The following MRS2 variants were observed in gnomAD, a reference collection of about 807,000 sequenced individuals.
The protein encoded by MRS2 is magnesium transporter MRS2.
In MRS2, 40 loss-of-function variants were observed where a neutral mutation model predicts 52.6. That is an observed-to-expected ratio of 0.76 (90% CI 0.59 to 0.99). The LOEUF (loss-of-function observed/expected upper bound fraction) is 0.99, where lower values mean the gene tolerates loss of function less well. Among genes scored for constraint, MRS2 ranks in the 50% least tolerant of loss-of-function variants. The pLI is 0.00. For missense variants in MRS2, 472 were observed against 532.7 expected (o/e 0.89, Z 1.12); for synonymous variants, 193 against 195.9 (o/e 0.98, Z 0.13).
chr6:24,423,014 C>G lies in MRS2; in HGVS notation c.1185C>G (p.Phe395Leu). 3 of 1,614,008 alleles carry G rather than the reference C, an allele frequency of 1.9e-6. No homozygotes were observed. Among genetic ancestry groups the G allele is most frequent in the South Asian group, 1.1e-5 (1 of 91,070 alleles). Reference sequence around the variant, plus strand: ...TCATCTGGAGGCGCCTGCTTTCATTCCTTGGACGACAGCTAGAAGCTCCAT... The same window carrying G: ...TCATCTGGAGGCGCCTGCTTTCATTGCTTGGACGACAGCTAGAAGCTCCAT... ...SGLIWRRLLS[F>L]LGRQLEAPLP... The change falls in exon 10 of 11, where the codon TTC becomes TTG. Residue 395 changes from phenylalanine to leucine, a missense_variant. Physicochemically the swap from Phe to Leu is conservative, Grantham distance 22. Coordinates refer to ENST00000378386, the MANE Select transcript of MRS2 (RefSeq NM_020662.4).
chr6:24,419,758 T>C (rs1442999598), intron 9 of MRS2, among the ~76,000 whole-genome samples: 1 of 152,210 alleles, frequency 6.6e-6, no homozygotes. Context: ...GAAGAATTGG[T>C]TACAGGATCC....
At chr6:24,417,939 T>TG (rs1761905209) in intron 7 of MRS2, 145 bp from the exon 8 acceptor site, 1 of 567,428 alleles carries the variant, frequency 1.8e-6, no homozygotes, top group Non-Finnish European at 2.8e-6. Context: ...AAACTCCATC[T>TG]CAAAAAAAAA....
chr6:24,407,515 T>C (rs911867605), intron 2 of MRS2, among the ~76,000 whole-genome samples: 1 of 152,328 alleles, frequency 6.6e-6, no homozygotes, highest in South Asian at 2.1e-4. Flanking sequence ...GCTCAGCACA[T>C]AGTGATTCAT....
At chr6:24,414,397 C>A (rs1192752794) in intron 5 of MRS2, among the ~76,000 whole-genome samples, 1 of 152,068 alleles carries the variant, frequency 6.6e-6, no homozygotes, top group Non-Finnish European at 1.5e-5. Flanking sequence ...CAAAGCACAT[C>A]TTGCACCGCC....
intron 2 of MRS2, among the ~76,000 whole-genome samples, chr6:24,406,391 CTA>C (rs1761477146): frequency 6.7e-6 from 1 of 148,920 alleles, no homozygotes; most frequent in African/African-American, 2.4e-5. Flanking sequence ...TCTTTATAAA[CTA>C]TATAAAATTA....
chr6:24,411,190 C>CAA (rs201560318), intron 4 of MRS2, among the ~76,000 whole-genome samples: 436 of 104,314 alleles, frequency 4.2e-3, no homozygotes, highest in African/African-American at 0.012. Context: ...ACTTCCATCT[C>CAA]AAAAAAAAAA....
intron 1 of MRS2, 60 bp from the exon 2 acceptor site, chr6:24,405,108 T>A: frequency 8.2e-7 from 1 of 1,224,550 alleles, no homozygotes; most frequent in South Asian, 1.2e-5. Flanking sequence ...AGAGTTGTAT[T>A]TTAGCTCTAT....
At chr6:24,413,314 T>G (rs1284258023) in intron 5 of MRS2, among the ~76,000 whole-genome samples, 1 of 151,786 alleles carries the variant, frequency 6.6e-6, no homozygotes, top group African/African-American at 2.4e-5. Context: ...GTGGGGAGAA[T>G]AGAGAGGGAG....
chr6:24,407,701 T>A (rs1420508765), intron 2 of MRS2, among the ~76,000 whole-genome samples: 1 of 152,172 alleles, frequency 6.6e-6, no homozygotes, highest in East Asian at 1.9e-4. Context: ...TGGCCTCATG[T>A]AGACATTTAG....
chr6:24,403,623 T>G (rs538195210), intron 1 of MRS2, among the ~76,000 whole-genome samples: 1 of 152,342 alleles, frequency 6.6e-6, no homozygotes, highest in Admixed American at 6.5e-5. Context: ...CTTACTATGT[T>G]GCCCAGGCTG....
chr6:24,415,244 T>G, intron 6 of MRS2, 81 bp downstream of exon 6: 1 of 1,436,682 alleles, frequency 7.0e-7, no homozygotes, highest in South Asian at 1.5e-5. Flanking sequence ...TTCATAACTT[T>G]TTTTAAAGTA....
In MRS2 at chr6:24,403,839, T is replaced by A. The variant is rs117250331; in HGVS notation, c.190+603T>A. 7.6e-3 allele frequency among the ~76,000 whole-genome samples: 1,154 copies of A among 152,272 alleles called. 4 individuals carry two copies. Among genetic ancestry groups the A allele is most frequent in the Admixed American group, 0.015 (224 of 15,300 alleles). On this transcript the variant is annotated intron_variant, in intron 1 of 10. Coordinates refer to ENST00000378386, the MANE Select transcript of MRS2 (RefSeq NM_020662.4). ...ATACAGTTGTCCAGTTGCACGGAGA[T>A]TGGGGACGCACCTAGAAGTGAGGCT...
chr6:24,410,174 T>C (rs1761605167), intron 4 of MRS2, among the ~76,000 whole-genome samples: 1 of 152,144 alleles, frequency 6.6e-6, no homozygotes, highest in Non-Finnish European at 1.5e-5. Context: ...ACATGGGGTT[T>C]CTCCATGTTG....
At chr6:24,412,133 A>G (rs545948261) in intron 4 of MRS2, 89 bp from the exon 5 acceptor site, 2 of 646,878 alleles carry the variant, frequency 3.1e-6, no homozygotes, top group East Asian at 6.9e-5. Context: ...TTGCATATAT[A>G]TATGTATGTA....
At chr6:24,419,867 G>T (rs183280081) in intron 9 of MRS2, among the ~76,000 whole-genome samples, 1,749 of 151,962 alleles carry the variant, frequency 0.012, 23 homozygotes, top group African/African-American at 0.038. Flanking sequence ...CACTGACTGT[G>T]TTTTCACAGA....
intron 4 of MRS2, 81 bp from the exon 5 acceptor site, chr6:24,412,141 G>A: frequency 8.9e-6 from 6 of 673,728 alleles, no homozygotes; most frequent in Non-Finnish European, 1.3e-5. Flanking sequence ...ATATATGTAT[G>A]TATACATATA....
Position 24,414,937 on chromosome 6 carries a change from T to G in MRS2, c.589-96T>G, listed in dbSNP as rs113176321. On this transcript the variant is annotated intron_variant, in intron 5 of 10. Coordinates refer to ENST00000378386, the MANE Select transcript of MRS2 (RefSeq NM_020662.4). ...CTGAAATGTTACCAGCATTTCAAGC[T>G]ACTACAGATTTCTGTATTTAATCAG... 8.2e-4 allele frequency: 890 copies of G among 1,089,994 alleles called. 8 individuals are homozygous for G. In the African/African-American group the frequency reaches 0.011, roughly 13 times the overall value. 67.5% of individuals were successfully genotyped at this position (1,089,994 alleles called of 1,614,324 possible). A position where few individuals can be genotyped will look rare whatever the true frequency, so the allele number is the denominator to read the frequency against.
Position 24,422,934 on chromosome 6 carries a change from T to C in MRS2, c.1108-3T>C. 6.8e-6 allele frequency: 11 copies of C among 1,607,068 alleles called. No homozygotes were observed. Among genetic ancestry groups the C allele is most frequent in the Non-Finnish European group, 7.7e-6 (9 of 1,173,942 alleles). On this transcript the variant is annotated splice_region_variant and splice_polypyrimidine_tract_variant and intron_variant, in intron 9 of 10. Coordinates refer to ENST00000378386, the MANE Select transcript of MRS2 (RefSeq NM_020662.4). ...GATGGAAATGAACTGTGTTCTCTTTTAGGACCATAGAATTTTTTGGCTGAT... is the reference window on the plus strand; with the variant it reads ...GATGGAAATGAACTGTGTTCTCTTTCAGGACCATAGAATTTTTTGGCTGAT...
In MRS2 at chr6:24,403,101, C is replaced by T. The variant is rs143703221; in HGVS notation, c.55C>T (p.Arg19Trp). The T allele has an allele frequency of 3.1e-6, 5 of 1,612,168 alleles. No individual in the cohort carries two copies. The African/African-American group carries it at 6.7e-5, about 22-fold the overall frequency. Residue 19 changes from arginine (R) to tryptophan (W), a missense_variant, in exon 1 of 11, where the codon CGG (arginine) becomes TGG (tryptophan). Physicochemically the swap from Arg to Trp is moderately radical, Grantham distance 101. Transcript: ENST00000378386. ...CCTGCCCCGCGCGATGAGACTTCCC[C>T]GGCGGACGCTGTGTGCCCTGGCCTT... ...CLLPRAMRLP[R>W]RTLCALALDV...
Sources: allele counts gnomAD v4.1 joint callset (sites outside exome capture counted in the v4.1 genomes callset), GRCh38; gene constraint gnomAD v4.1.1; transcripts MANE v1.5; gene names NCBI Gene and HGNC (gene_info 2026-07-23, HGNC 2026-07-21).